The following NOS1AP variants were observed in gnomAD, a reference collection of about 807,000 sequenced individuals.
NOS1AP encodes nitric oxide synthase 1 adaptor protein, also known as carboxyl-terminal PDZ ligand of neuronal nitric oxide synthase protein.
NOS1AP carries 21 observed loss-of-function variants against 56.2 expected under a neutral mutation model. The observed-to-expected ratio is 0.37, with a 90% CI of 0.26 to 0.54. NOS1AP has a LOEUF of 0.54. NOS1AP is among the 20% of genes least tolerant of loss of function. The pLI, the probability that NOS1AP is intolerant of heterozygous loss-of-function variation, is 0.84. For synonymous variants in NOS1AP, 270 were observed against 274.6 expected (o/e 0.98, Z 0.17); for missense variants, 522 against 657.8 (o/e 0.79, Z 2.26).
intron 2 of NOS1AP, among the ~76,000 whole-genome samples, chr1:162,233,654 T>C (rs1653197422): frequency 6.6e-6 from 1 of 152,202 alleles, no homozygotes; most frequent in South Asian, 2.1e-4. Context: ...GATGAACTTT[T>C]ATCATTTATT....
intron 1 of NOS1AP, among the ~76,000 whole-genome samples, chr1:162,107,944 T>C (rs1454927518): frequency 7.1e-6 from 1 of 140,908 alleles, no homozygotes; most frequent in East Asian, 1.9e-4. Context: ...GAAGGAAACA[T>C]TGACATTTGA....
At chr1:162,186,055 A>T (rs1397119901) in intron 2 of NOS1AP, among the ~76,000 whole-genome samples, 1 of 152,322 alleles carries the variant, frequency 6.6e-6, no homozygotes, top group East Asian at 1.9e-4. Flanking sequence ...GTTTACTTAT[A>T]TATTTTTTGT....
At chr1:162,326,556 A>G (rs552940097) in intron 4 of NOS1AP, among the ~76,000 whole-genome samples, 3 of 152,344 alleles carry the variant, frequency 2.0e-5, no homozygotes, top group East Asian at 3.9e-4. Context: ...TCACATGATT[A>G]TGGAGGCTGA....
intron 1 of NOS1AP, among the ~76,000 whole-genome samples, chr1:162,133,060 G>A (rs1648825057): frequency 6.6e-6 from 1 of 152,224 alleles, no homozygotes; most frequent in Non-Finnish European, 1.5e-5. Context: ...AATATCACGT[G>A]TTGGCTGGGA....
chr1:162,085,821 A>G (rs557816139), intron 1 of NOS1AP, among the ~76,000 whole-genome samples: 23 of 152,278 alleles, frequency 1.5e-4, no homozygotes, highest in African/African-American at 5.5e-4. Context: ...TTATATTATT[A>G]GGTATTAATC....
Position 162,287,590 on chromosome 1 carries a change from G to A in NOS1AP, c.270+154G>A, listed in dbSNP as rs16859733. On this transcript the variant is annotated intron_variant, in intron 3 of 9. Transcript: ENST00000361897. ...GCAGCAATGGTGCTGACAGGCTGCAGCAGAGTGTAGGGCGAGGCGAGGCCA... is the reference window on the plus strand; with the variant it reads ...GCAGCAATGGTGCTGACAGGCTGCAACAGAGTGTAGGGCGAGGCGAGGCCA... Among the ~76,000 whole-genome samples, 941 of 152,288 alleles carry A rather than the reference G, an allele frequency of 6.2e-3. 10 individuals are homozygous for A. Among genetic ancestry groups the A allele is most frequent in the African/African-American group, 0.021 (874 of 41,578 alleles).
chr1:162,182,841 G>A (rs942919779), intron 2 of NOS1AP, among the ~76,000 whole-genome samples: 2 of 152,114 alleles, frequency 1.3e-5, no homozygotes, highest in African/African-American at 4.8e-5. Flanking sequence ...TCTGTTACAT[G>A]TGCAGTTACT....
At position 162,135,066 on chromosome 1, in the gene NOS1AP, T is replaced by G. The variant is rs1453509877; in HGVS notation, c.106-19339T>G. On this transcript the variant is annotated intron_variant, in intron 1 of 9. Coordinates refer to ENST00000361897, the MANE Select transcript of NOS1AP (RefSeq NM_014697.3). The stretch of plus-strand genomic sequence containing the variant: ...TCAAGTTCAAAAATTATCTTCTCTG[T>G]GAGTACTTCTGACTTGTATCCAAGC... Among the ~76,000 whole-genome samples, 9 of 152,236 alleles carry G rather than the reference T, an allele frequency of 5.9e-5. No individual in the cohort carries two copies. In the South Asian group the frequency reaches 1.9e-3, roughly 32 times the overall value.
chr1:162,300,537 G>T (rs1259242761), intron 3 of NOS1AP, 96 bp from the exon 4 acceptor site: 3 of 1,112,808 alleles, frequency 2.7e-6, no homozygotes, highest in Non-Finnish European at 4.1e-6. Context: ...AAAAAGTCAG[G>T]TCAGGAGCAA....
At chr1:162,225,513 G>A (rs1215477254) in intron 2 of NOS1AP, among the ~76,000 whole-genome samples, 2 of 152,198 alleles carry the variant, frequency 1.3e-5, no homozygotes, top group Non-Finnish European at 2.9e-5. Flanking sequence ...GGACGATAAA[G>A]TGAGTGTTTG....
At chr1:162,212,790 C>A (rs1470892939) in intron 2 of NOS1AP, among the ~76,000 whole-genome samples, 1 of 139,306 alleles carries the variant, frequency 7.2e-6, no homozygotes, top group Non-Finnish European at 1.5e-5. Flanking sequence ...CTTCTTCCTG[C>A]TGGGATGTTG....
At position 162,292,940 on chromosome 1, in the gene NOS1AP, C is replaced by CTGT. The variant is rs1655325510; in HGVS notation, c.270+5504_270+5505insTGT. Among the ~76,000 whole-genome samples the CTGT allele has an allele frequency of 5.3e-5, 8 of 152,236 alleles. No homozygotes were observed. The East Asian group carries it at 1.5e-3, about 29-fold the overall frequency. Reference sequence around the variant, plus strand: ...GAAGTCCAGTGACTGTCCCTAGGACCCCCAGGTAGTTACTGGCAGCCAGGG... The same window carrying CTGT: ...GAAGTCCAGTGACTGTCCCTAGGACCTGTCCCAGGTAGTTACTGGCAGCCAGGG... On this transcript the variant is annotated intron_variant, in intron 3 of 9. Transcript: ENST00000361897.
chr1:162,259,125 C>T (rs116126281), intron 2 of NOS1AP, among the ~76,000 whole-genome samples: 1,548 of 152,292 alleles, frequency 0.01, 23 homozygotes, highest in African/African-American at 0.035. Flanking sequence ...GCTCCCTGTT[C>T]ATACACAGGT....
intron 2 of NOS1AP, among the ~76,000 whole-genome samples, chr1:162,217,267 C>CCTTTTTTTTTTTTTTT (rs1652603669): frequency 2.9e-5 from 2 of 68,368 alleles, no homozygotes; most frequent in African/African-American, 5.9e-5. Flanking sequence ...CTGTTGTTAG[C>CCTTTTTTTTTTTTTTT]TTTTTTTTTT....
chr1:162,077,679 A>G (rs745844192), intron 1 of NOS1AP, among the ~76,000 whole-genome samples: 18 of 151,140 alleles, frequency 1.2e-4, no homozygotes, highest in Admixed American at 2.6e-4. Flanking sequence ...CCTCTTAATT[A>G]TGCCCTTCAC....
intron 4 of NOS1AP, among the ~76,000 whole-genome samples, chr1:162,305,824 C>A (rs1289386809): frequency 6.6e-6 from 1 of 152,188 alleles, no homozygotes; most frequent in African/African-American, 2.4e-5. Context: ...GGAGTTCAAA[C>A]TCCTCGGGAT....
intron 4 of NOS1AP, among the ~76,000 whole-genome samples, chr1:162,301,876 GGCCCT>G (rs756512422): frequency 2.0e-5 from 3 of 152,228 alleles, no homozygotes; most frequent in Admixed American, 6.5e-5. Flanking sequence ...GCAGCATGGT[GGCCCT>G]GCCTTTTAAA....
rs537612523 is a variant in NOS1AP at position 162,188,881 on chromosome 1, T to G, written c.177+34405T>G. On this transcript the variant is annotated intron_variant, in intron 2 of 9. Coordinates refer to ENST00000361897, the MANE Select transcript of NOS1AP (RefSeq NM_014697.3). This position sits in a 1 kb window ranked among gnomAD's most constrained non-coding sequence, Gnocchi z 4.0. ...AGCCTGGCCAACCTGGTCAGGAGTATTTTTAGAAACTCCATCTCTAAAAAT... is the reference window on the plus strand; with the variant it reads ...AGCCTGGCCAACCTGGTCAGGAGTAGTTTTAGAAACTCCATCTCTAAAAAT... 1.3e-5 allele frequency among the ~76,000 whole-genome samples: 2 copies of G among 151,924 alleles called. No individual in the cohort carries two copies. The highest frequency in any genetic ancestry group is 4.8e-5 in the African/African-American group (2 of 41,452).
intron 2 of NOS1AP, among the ~76,000 whole-genome samples, chr1:162,219,104 A>G (rs1439601485): frequency 1.3e-5 from 2 of 151,716 alleles, no homozygotes; most frequent in Admixed American, 1.3e-4. Context: ...TAGAATCTTC[A>G]CTCCTTTATT....
Sources: allele counts gnomAD v4.1 joint callset (sites outside exome capture counted in the v4.1 genomes callset), GRCh38; gene constraint gnomAD v4.1.1; non-coding constraint Gnocchi (gnomAD v3.1); transcripts MANE v1.5; gene names NCBI Gene and HGNC (gene_info 2026-07-23, HGNC 2026-07-21).